EYS: variants seen among roughly 807,000 people sequenced by gnomAD.
EYS encodes protein eyes shut homolog.
EYS carries 250 observed loss-of-function variants against 282.1 expected under a neutral mutation model. That is an observed-to-expected ratio of 0.89 (90% CI 0.80 to 0.98). The LOEUF (loss-of-function observed/expected upper bound fraction) is 0.98, where lower values mean the gene tolerates loss of function less well. EYS is among the 50% of genes least tolerant of loss of function. The probability of loss-of-function intolerance (pLI) is 0.00; values close to 1 mark genes in which losing one functional copy is unlikely to be tolerated. For synonymous variants in EYS, 1,355 were observed against 1,282.9 expected, an observed-to-expected ratio of 1.06 and a Z score of -1.20; for missense variants, 4,016 against 3,709.0, an observed-to-expected ratio of 1.08 and a Z score of -2.15.
intron 22 of EYS, among the ~76,000 whole-genome samples, chr6:64,772,618 T>C (rs1412282879): frequency 6.6e-6 from 1 of 151,794 alleles, no homozygotes; most frequent in Non-Finnish European, 1.5e-5. Context: ...TATCTAACTA[T>C]ATTTTTGTAT....
intron 40 of EYS, among the ~76,000 whole-genome samples, chr6:63,772,447 T>G (rs778357743): frequency 6.6e-6 from 1 of 152,138 alleles, no homozygotes; most frequent in Admixed American, 6.5e-5. Flanking sequence ...TTTATATATA[T>G]CTATGTGTTA....
At chr6:65,418,819 A>AT (rs1174406180) in intron 5 of EYS, among the ~76,000 whole-genome samples, 1 of 151,914 alleles carries the variant, frequency 6.6e-6, no homozygotes, top group Non-Finnish European at 1.5e-5. Context: ...CATGTATCCC[A>AT]TTTTTTTAGA....
At chr6:65,033,929 C>A (rs532969313) in intron 13 of EYS, among the ~76,000 whole-genome samples, 1 of 152,336 alleles carries the variant, frequency 6.6e-6, no homozygotes, top group African/African-American at 2.4e-5. Context: ...TCTGTGAGAG[C>A]AGCCCTGGTG....
chr6:64,428,936 T>C (rs1049092092), intron 28 of EYS, among the ~76,000 whole-genome samples: 4 of 152,172 alleles, frequency 2.6e-5, no homozygotes, highest in Non-Finnish European at 5.9e-5. Context: ...TATGTGCTTC[T>C]TTTGGTAACA....
chr6:63,984,252 G>A, intron 35 of EYS, 131 bp downstream of exon 35: 1 of 657,974 alleles, frequency 1.5e-6, no homozygotes, highest in Non-Finnish European at 2.7e-6. Flanking sequence ...TCATTTAGGT[G>A]ATGCATAGAA....
intron 12 of EYS, among the ~76,000 whole-genome samples, chr6:65,199,221 T>C (rs961504326): frequency 3.3e-5 from 5 of 152,160 alleles, no homozygotes; most frequent in Admixed American, 3.3e-4. Flanking sequence ...TAGCATATAA[T>C]ATAAATATTT....
chr6:64,000,284 C>T (rs1396672652), intron 33 of EYS, among the ~76,000 whole-genome samples: 8 of 146,332 alleles, frequency 5.5e-5, no homozygotes, highest in African/African-American at 1.3e-4. Context: ...CTCTGCCTCC[C>T]GGGTTCATGC....
At chr6:65,513,722 C>A (rs376676818) in intron 2 of EYS, among the ~76,000 whole-genome samples, 6,012 of 151,916 alleles carry the variant, frequency 0.04, 266 homozygotes, top group African/African-American at 0.11. Flanking sequence ...CAGAAAAGGC[C>A]TTTGACAAAA....
At chr6:64,351,696 T>C (rs1175943948) in intron 29 of EYS, among the ~76,000 whole-genome samples, 2 of 151,560 alleles carry the variant, frequency 1.3e-5, no homozygotes, top group African/African-American at 4.8e-5. Context: ...AGAAAGTCTA[T>C]AAATAATTCA....
intron 2 of EYS, among the ~76,000 whole-genome samples, chr6:65,519,708 A>ATTTTTTTTTTTT (rs59743261): frequency 2.3e-5 from 1 of 42,562 alleles, no homozygotes; most frequent in Non-Finnish European, 3.7e-5. Flanking sequence ...ATATATATAT[A>ATTTTTTTTTTTT]TTTTTTTTTT....
intron 8 of EYS, among the ~76,000 whole-genome samples, chr6:65,366,708 C>T (rs149562992): frequency 4.5e-4 from 68 of 151,728 alleles, no homozygotes; most frequent in Middle Eastern, 6.8e-3. Context: ...TATTCTCTAA[C>T]ATTTCCGGAG....
At chr6:65,517,773 T>C (rs1197473939) in intron 2 of EYS, among the ~76,000 whole-genome samples, 1 of 152,028 alleles carries the variant, frequency 6.6e-6, no homozygotes, top group Admixed American at 6.6e-5. Flanking sequence ...ATTATTACCA[T>C]TGTTGTGAAT....
chr6:65,010,192 C>T (rs894305067), intron 13 of EYS, among the ~76,000 whole-genome samples: 1 of 152,190 alleles, frequency 6.6e-6, no homozygotes, highest in Non-Finnish European at 1.5e-5. Flanking sequence ...CAACCTGTGG[C>T]ATACCTGAGT....
intron 34 of EYS, among the ~76,000 whole-genome samples, chr6:63,985,163 C>T (rs1767296405): frequency 1.3e-5 from 2 of 151,652 alleles, no homozygotes; most frequent in Non-Finnish European, 3.0e-5. Context: ...TTTATAAGGA[C>T]AATAGTCTTT....
intron 8 of EYS, among the ~76,000 whole-genome samples, chr6:65,369,305 T>TAATATATATATTATATATATATATTTA (rs1765039405): frequency 1.4e-5 from 1 of 70,038 alleles, no homozygotes; most frequent in Admixed American, 1.7e-4. Context: ...TATTTATGTA[T>TAATATATATATTATATATATATATTTA]AATATATATA....
At chr6:63,970,250 C>T (rs1488795723) in intron 35 of EYS, among the ~76,000 whole-genome samples, 1 of 152,188 alleles carries the variant, frequency 6.6e-6, no homozygotes, top group East Asian at 1.9e-4. Context: ...CATAGCATTA[C>T]ACTCCTAGTG....
At chr6:65,149,398 A>C (rs998000827) in intron 12 of EYS, among the ~76,000 whole-genome samples, 1 of 152,158 alleles carries the variant, frequency 6.6e-6, no homozygotes, top group African/African-American at 2.4e-5. Flanking sequence ...CTAAGAACTC[A>C]TCTCCATCTG....
chr6:65,253,623 A>C (rs777077081), intron 12 of EYS, among the ~76,000 whole-genome samples: 2 of 151,910 alleles, frequency 1.3e-5, no homozygotes, highest in Non-Finnish European at 2.9e-5. Flanking sequence ...TTATTCTAAA[A>C]ACAATATTTT....
intron 14 of EYS, 30 bp downstream of exon 14, chr6:64,997,552 T>C (rs750235912): frequency 8.4e-6 from 13 of 1,546,342 alleles, no homozygotes; most frequent in Non-Finnish European, 1.1e-5. Flanking sequence ...AGTCCACATT[T>C]AGGTATATAA....
Sources: gnomAD v4.1 joint callset for allele counts (sites outside exome capture counted in the v4.1 genomes callset) on GRCh38, gnomAD v4.1.1 for gene constraint, MANE v1.5 for transcripts, NCBI Gene and HGNC (gene_info 2026-07-23, HGNC 2026-07-21) for gene names.